Variants in TNS1 observed in about 807,000 individuals in gnomAD.
TNS1 encodes the protein tensin 1, also known as tensin-1.
Under a neutral mutation model 168.6 loss-of-function variants are expected in TNS1, and 62 were observed. The observed-to-expected ratio is 0.37, with a 90% CI of 0.30 to 0.45. TNS1 has a LOEUF of 0.45. TNS1 is among the 20% of genes least tolerant of loss of function. TNS1 has a pLI of 1.00. For missense variants in TNS1, 2,240 were observed against 2,339.4 expected (o/e 0.96, Z 0.88); for synonymous variants, 934 against 933.2 (o/e 1.00, Z -0.02).
chr2:217,889,048 A>AGTC (rs1951498025), intron 12 of TNS1, among the ~76,000 whole-genome samples: 1 of 152,236 alleles, frequency 6.6e-6, no homozygotes, highest in Non-Finnish European at 1.5e-5. Flanking sequence ...CCGTGATTAC[A>AGTC]GTCAGCAGAC....
chr2:218,011,216 G>T (rs1408837167), upstream of TNS1, among the ~76,000 whole-genome samples: 3 of 152,190 alleles, frequency 2.0e-5, no homozygotes, highest in Admixed American at 2.0e-4. Context: ...AATATTGTGT[G>T]AGGTCATCCT....
At chr2:217,889,166 A>T (rs1951505643) in intron 12 of TNS1, among the ~76,000 whole-genome samples, 1 of 152,210 alleles carries the variant, frequency 6.6e-6, no homozygotes, top group South Asian at 2.1e-4. Context: ...CCCTAACCAG[A>T]ATTTTCTGCA....
At chr2:217,828,362 TC>T (rs1943912092) in intron 22 of TNS1, among the ~76,000 whole-genome samples, 1 of 152,110 alleles carries the variant, frequency 6.6e-6, no homozygotes, top group Non-Finnish European at 1.5e-5. Context: ...GCACAGGCCA[TC>T]CCCGCTTAGG....
At position 217,836,186 on chromosome 2, in the gene TNS1, A is replaced by C. The variant is rs1169035842; in HGVS notation, c.3033T>G (p.Pro1011=). The C allele has an allele frequency of 7.4e-6, 12 of 1,612,436 alleles. No homozygotes were observed. The change falls in exon 20 of 33, where the codon CCT becomes CCG. Residue 1011 remains proline, a synonymous_variant. Coordinates refer to ENST00000682258, the MANE Select transcript of TNS1 (RefSeq NM_001387777.1). ...VAGVQAREKQ[P]AEPPAPLRRR... is the part of the protein sequence containing the mutation. ...TCCGCAGAGGGGCTGGGGGCTCTGC[A>C]GGCTGCTTCTCCCGAGCCTGTACCC...
At chr2:217,815,611 C>T (rs1020146410) in intron 24 of TNS1, among the ~76,000 whole-genome samples, 4 of 152,208 alleles carry the variant, frequency 2.6e-5, no homozygotes, top group African/African-American at 9.6e-5. Flanking sequence ...GGGCCTGGCA[C>T]TGCATTCCCA....
chr2:217,854,835 G>A (rs1947937800), intron 18 of TNS1, among the ~76,000 whole-genome samples: 1 of 152,192 alleles, frequency 6.6e-6, no homozygotes, highest in South Asian at 2.1e-4. Context: ...GGATGGCTCT[G>A]GAGAGGAGAC....
At chr2:217,881,271 A>C (rs1559291899) in intron 17 of TNS1, 1 of 413,122 alleles carries the variant, frequency 2.4e-6, no homozygotes. Context: ...AAGAATGAAG[A>C]CCCCCTGGAA....
chr2:217,911,723 G>A (rs1954434943), intron 4 of TNS1, among the ~76,000 whole-genome samples: 1 of 152,198 alleles, frequency 6.6e-6, no homozygotes, highest in Admixed American at 6.5e-5. Context: ...CCAGTCGGTA[G>A]GAGAGCTGCT....
chr2:217,809,805 C>G lies in TNS1; in HGVS notation c.5273+18G>C, dbSNP rs1285023850. On this transcript the variant is annotated intron_variant, in intron 30 of 32. Coordinates refer to ENST00000682258, the MANE Select transcript of TNS1 (RefSeq NM_001387777.1). Reference sequence around the variant, plus strand: ...CAGGAAGGAGAACCCCACCGAGGAGCAGGCAGGGGAGTCTTACTTTCTCTG... The same window carrying G: ...CAGGAAGGAGAACCCCACCGAGGAGGAGGCAGGGGAGTCTTACTTTCTCTG... 2 of 1,605,782 alleles carry G rather than the reference C, an allele frequency of 1.2e-6. No individual in the cohort carries two copies. The highest frequency in any genetic ancestry group is 1.7e-5 in the Admixed American group (1 of 59,684).
intron 18 of TNS1, among the ~76,000 whole-genome samples, chr2:217,879,015 C>CA (rs1950446128): frequency 6.6e-6 from 1 of 152,146 alleles, no homozygotes; most frequent in African/African-American, 2.4e-5. Context: ...CCTGCAAGGA[C>CA]AGAGGGGCCC....
chr2:217,990,816 G>T, intron 2 of TNS1, 126 bp downstream of exon 2: 1 of 284,476 alleles, frequency 3.5e-6, no homozygotes, highest in Non-Finnish European at 6.8e-6. Context: ...TCCACCAGAT[G>T]AGAACAAGGC....
At chr2:217,960,822 C>T (rs1559388849) in intron 3 of TNS1, among the ~76,000 whole-genome samples, 2 of 152,142 alleles carry the variant, frequency 1.3e-5, no homozygotes, top group Non-Finnish European at 2.9e-5. Context: ...TCTGTTTCCC[C>T]CTAGGCTGTC....
intron 3 of TNS1, among the ~76,000 whole-genome samples, chr2:217,976,594 C>A (rs766133308): frequency 1.3e-5 from 2 of 152,200 alleles, no homozygotes; most frequent in Non-Finnish European, 2.9e-5. Flanking sequence ...AGCAGCACTG[C>A]GGCAGCCTGG....
rs907266641 is a variant in TNS1 at position 217,862,275 on chromosome 2, G to GA, written c.1430-13189dup. Among the ~76,000 whole-genome samples the GA allele has an allele frequency of 3.8e-3, 566 of 150,514 alleles. 3 individuals are homozygous for GA. Among genetic ancestry groups the GA allele is most frequent in the Non-Finnish European group, 5.6e-3 (377 of 67,696 alleles). On this transcript the variant is annotated intron_variant, in intron 18 of 32. Coordinates refer to ENST00000682258, the MANE Select transcript of TNS1 (RefSeq NM_001387777.1). Reference sequence around the variant, plus strand: ...CGTCTTACCATGTTTCTATTTGGGGGAAAAAAAAAGACAATTTTTTTTCTT... The same window carrying GA: ...CGTCTTACCATGTTTCTATTTGGGGGAAAAAAAAAAGACAATTTTTTTTCTT...
chr2:217,909,329 C>G, intron 4 of TNS1, among the ~76,000 whole-genome samples: 1 of 152,144 alleles, frequency 6.6e-6, no homozygotes, highest in African/African-American at 2.4e-5. Context: ...ACTCCAAAGC[C>G]CTCACTCCTG....
intron 3 of TNS1, among the ~76,000 whole-genome samples, chr2:217,933,502 C>T (rs1314748654): frequency 2.0e-5 from 3 of 152,144 alleles, no homozygotes; most frequent in South Asian, 2.1e-4. Flanking sequence ...ACATCAGCAC[C>T]GCCAACACAT....
At chr2:217,945,387 T>C (rs1306140246) in intron 3 of TNS1, among the ~76,000 whole-genome samples, 1 of 152,118 alleles carries the variant, frequency 6.6e-6, no homozygotes, top group Admixed American at 6.5e-5. Flanking sequence ...CACAGGGAGA[T>C]GGCCAGTACT....
chr2:217,973,436 G>C (rs1482115544), intron 3 of TNS1, among the ~76,000 whole-genome samples: 1 of 151,452 alleles, frequency 6.6e-6, no homozygotes, highest in Non-Finnish European at 1.5e-5. Context: ...CTCAACAGGA[G>C]AGAAACAACT....
At chr2:218,014,907 G>A (rs1483573581), upstream of TNS1, among the ~76,000 whole-genome samples, 1 of 98,128 alleles carries the variant, frequency 1.0e-5, no homozygotes. Context: ...AAGGAAGGAA[G>A]GAAGGAAGGA....
Sources: gnomAD v4.1 joint callset for allele counts (sites outside exome capture counted in the v4.1 genomes callset) on GRCh38, gnomAD v4.1.1 for gene constraint, MANE v1.5 for transcripts, NCBI Gene and HGNC (gene_info 2026-07-23, HGNC 2026-07-21) for gene names.